CTNNA3: variants seen among roughly 807,000 people sequenced by gnomAD.
CTNNA3 encodes catenin alpha 3.
CTNNA3 carries 76 observed loss-of-function variants against 95.7 expected under a neutral mutation model. The observed-to-expected ratio is 0.79, with a 90% CI of 0.66 to 0.96. The LOEUF is 0.96. Ranked by LOEUF, CTNNA3 falls within the 40% of genes least tolerant of loss-of-function variation. The probability of loss-of-function intolerance (pLI) is 0.00; values close to 1 mark genes in which losing one functional copy is unlikely to be tolerated. For missense variants in CTNNA3, 1,191 were observed against 1,089.8 expected (o/e 1.09, Z -1.31); for synonymous variants, 431 against 374.4 (o/e 1.15, Z -1.74).
At chr10:67,557,398 A>C (rs1004842476) in intron 3 of CTNNA3, among the ~76,000 whole-genome samples, 1 of 152,190 alleles carries the variant, frequency 6.6e-6, no homozygotes, top group Non-Finnish European at 1.5e-5. Context: ...CATTCAATTT[A>C]TCCAGCCTCC....
At chr10:66,942,756 A>G (rs1848075199) in intron 7 of CTNNA3, among the ~76,000 whole-genome samples, 1 of 152,180 alleles carries the variant, frequency 6.6e-6, no homozygotes, top group Non-Finnish European at 1.5e-5. Flanking sequence ...ACAGTAAACC[A>G]AAATGGTCTG....
chr10:67,687,492 G>T (rs1191773306), intron 1 of CTNNA3, among the ~76,000 whole-genome samples: 2 of 152,114 alleles, frequency 1.3e-5, no homozygotes, highest in African/African-American at 4.8e-5. Flanking sequence ...ACCAAGGTTT[G>T]TTTGTCTGAG....
At chr10:67,540,479 A>C (rs960900375) in intron 3 of CTNNA3, among the ~76,000 whole-genome samples, 14 of 151,978 alleles carry the variant, frequency 9.2e-5, no homozygotes, top group African/African-American at 3.1e-4. Flanking sequence ...AAATTTTAAA[A>C]GTCTCCAAAC....
At chr10:67,391,591 C>A (rs1328048116) in intron 5 of CTNNA3, among the ~76,000 whole-genome samples, 1 of 151,632 alleles carries the variant, frequency 6.6e-6, no homozygotes, top group Non-Finnish European at 1.5e-5. Flanking sequence ...GAGCCCACAT[C>A]GCCAAGGCAA....
At chr10:67,596,133 G>C (rs1401098424) in intron 3 of CTNNA3, among the ~76,000 whole-genome samples, 1 of 152,112 alleles carries the variant, frequency 6.6e-6, no homozygotes, top group Non-Finnish European at 1.5e-5. Context: ...TACATTTATG[G>C]TTAACATTGA....
chr10:67,502,567 A>T (rs1486489772), intron 5 of CTNNA3, among the ~76,000 whole-genome samples: 1 of 152,144 alleles, frequency 6.6e-6, no homozygotes, highest in Non-Finnish European at 1.5e-5. Context: ...ATCTGTGCCC[A>T]CAGCCACCCC....
intron 14 of CTNNA3, among the ~76,000 whole-genome samples, chr10:66,088,091 T>C (rs1208361717): frequency 6.6e-6 from 1 of 152,102 alleles, no homozygotes; most frequent in African/African-American, 2.4e-5. Context: ...TTTTTCCTTA[T>C]GTTTATTTGA....
At chr10:67,134,129 C>T (rs1167218803) in intron 7 of CTNNA3, among the ~76,000 whole-genome samples, 1 of 152,036 alleles carries the variant, frequency 6.6e-6, no homozygotes, top group Admixed American at 6.6e-5. Context: ...TAGAATAACA[C>T]ACCAACTGCT....
chr10:66,847,965 G>A (rs1843340188), intron 7 of CTNNA3, among the ~76,000 whole-genome samples: 1 of 152,122 alleles, frequency 6.6e-6, no homozygotes, highest in Non-Finnish European at 1.5e-5. Flanking sequence ...GATAGATGGA[G>A]AGAAAACCCA....
intron 9 of CTNNA3, among the ~76,000 whole-genome samples, chr10:66,716,868 G>T (rs1261020818): frequency 1.3e-5 from 2 of 152,128 alleles, no homozygotes; most frequent in Non-Finnish European, 2.9e-5. Flanking sequence ...GTCAGGCTTT[G>T]GTGCCTAGCT....
At chr10:66,838,560 A>C (rs996632393) in intron 7 of CTNNA3, among the ~76,000 whole-genome samples, 1 of 151,536 alleles carries the variant, frequency 6.6e-6, no homozygotes, top group Non-Finnish European at 1.5e-5. Flanking sequence ...ATAAATAAAT[A>C]AATAAAATGC....
intron 7 of CTNNA3, among the ~76,000 whole-genome samples, chr10:67,074,944 C>G (rs1856670265): frequency 6.6e-6 from 1 of 152,124 alleles, no homozygotes; most frequent in Admixed American, 6.5e-5. Flanking sequence ...ATGGGTAGCT[C>G]TCTACCTCCC....
At chr10:67,444,171 A>G (rs1237859727) in intron 5 of CTNNA3, among the ~76,000 whole-genome samples, 1 of 152,212 alleles carries the variant, frequency 6.6e-6, no homozygotes, top group Admixed American at 6.5e-5. Context: ...AAGATATTCA[A>G]GAAATTAAAA....
chr10:67,745,424 C>G (rs1027695156), intron 1 of CTNNA3, among the ~76,000 whole-genome samples: 1 of 149,762 alleles, frequency 6.7e-6, no homozygotes, highest in Admixed American at 6.8e-5. Context: ...AAACCAAACA[C>G]CACATGTTCT....
chr10:66,270,704 T>C (rs1296735973), intron 13 of CTNNA3, among the ~76,000 whole-genome samples: 1 of 152,164 alleles, frequency 6.6e-6, no homozygotes, highest in Admixed American at 6.5e-5. Flanking sequence ...TGGCTCTATA[T>C]AGGATCTGTG....
intron 8 of CTNNA3, among the ~76,000 whole-genome samples, chr10:66,775,104 G>C (rs1028478793): frequency 6.6e-6 from 1 of 152,096 alleles, no homozygotes; most frequent in African/African-American, 2.4e-5. Context: ...GCATTTTATT[G>C]ATTCCTCACA....
At chr10:67,284,870 G>T (rs1839535050) in intron 5 of CTNNA3, among the ~76,000 whole-genome samples, 1 of 152,150 alleles carries the variant, frequency 6.6e-6, no homozygotes, top group Non-Finnish European at 1.5e-5. Context: ...GCTCAGAGAA[G>T]TCTAAGCTAT....
intron 7 of CTNNA3, among the ~76,000 whole-genome samples, chr10:67,035,219 G>C (rs1184276787): frequency 6.6e-6 from 1 of 152,158 alleles, no homozygotes; most frequent in Non-Finnish European, 1.5e-5. Context: ...TCTGCATATA[G>C]AGTATCTATA....
At chr10:66,033,382 G>C (rs986202501) in intron 15 of CTNNA3, among the ~76,000 whole-genome samples, 1 of 151,916 alleles carries the variant, frequency 6.6e-6, no homozygotes, top group East Asian at 1.9e-4. Flanking sequence ...TGGTCTGCCC[G>C]CCTCAGCCTC....
Sources: allele counts gnomAD v4.1 joint callset (sites outside exome capture counted in the v4.1 genomes callset), GRCh38; gene constraint gnomAD v4.1.1; transcripts MANE v1.5; gene names NCBI Gene and HGNC (gene_info 2026-07-23, HGNC 2026-07-21).